The following KHDRBS2 variants were observed in gnomAD, a reference collection of about 807,000 sequenced individuals.
KHDRBS2 encodes KH domain-containing, RNA-binding, signal transduction-associated protein 2.
KHDRBS2 carries 26 observed loss-of-function variants against 44.3 expected under a neutral mutation model. That is an observed-to-expected ratio of 0.59 (90% CI 0.43 to 0.81). The LOEUF (loss-of-function observed/expected upper bound fraction) is 0.81. Ranked by LOEUF, KHDRBS2 falls within the 40% of genes least tolerant of loss-of-function variation. The pLI is 0.00. For missense variants in KHDRBS2, 476 were observed against 433.1 expected (o/e 1.10, Z -0.88); for synonymous variants, 194 against 151.1 (o/e 1.28, Z -2.08).
At chr6:61,829,751 A>C (rs1430906312) in intron 6 of KHDRBS2, among the ~76,000 whole-genome samples, 1 of 152,162 alleles carries the variant, frequency 6.6e-6, no homozygotes, top group Non-Finnish European at 1.5e-5. Flanking sequence ...ATCAATGTAA[A>C]ACCGGAGTCA....
intron 6 of KHDRBS2, among the ~76,000 whole-genome samples, chr6:61,867,241 T>A (rs522347): frequency 1.3e-5 from 2 of 151,990 alleles, no homozygotes; most frequent in Non-Finnish European, 2.9e-5. Context: ...GAACAAGTCA[T>A]GTCTTACATG....
intron 6 of KHDRBS2, among the ~76,000 whole-genome samples, chr6:61,799,482 G>T (rs1274155927): frequency 2.0e-5 from 3 of 151,848 alleles, no homozygotes; most frequent in African/African-American, 7.3e-5. Context: ...ATGAAACAAA[G>T]TAATGTCTTA....
At chr6:62,108,462 G>T (rs564206641) in intron 2 of KHDRBS2, among the ~76,000 whole-genome samples, 2 of 152,138 alleles carry the variant, frequency 1.3e-5, no homozygotes, top group Non-Finnish European at 2.9e-5. Context: ...TGCTGGAGAG[G>T]ATGTGGAGAA....
At chr6:61,877,755 G>A (rs913470759) in intron 6 of KHDRBS2, among the ~76,000 whole-genome samples, 1 of 151,684 alleles carries the variant, frequency 6.6e-6, no homozygotes, top group African/African-American at 2.4e-5. Flanking sequence ...TTAGAAAATG[G>A]TTCAAGCATT....
At chr6:61,551,720 A>G in the KHDRBS2 span, among the ~76,000 whole-genome samples, 1 of 152,038 alleles carries the variant, frequency 6.6e-6, no homozygotes, top group East Asian at 1.9e-4. Context: ...CCACTAGTCT[A>G]TGTGTTTGCT....
At chr6:62,140,467 C>A (rs1812571754) in intron 2 of KHDRBS2, among the ~76,000 whole-genome samples, 1 of 152,004 alleles carries the variant, frequency 6.6e-6, no homozygotes, top group Non-Finnish European at 1.5e-5. Flanking sequence ...GAAATAAATT[C>A]TATAAATTTG....
intron 3 of KHDRBS2, among the ~76,000 whole-genome samples, chr6:62,010,081 C>G (rs1780015748): frequency 6.6e-6 from 1 of 152,102 alleles, no homozygotes; most frequent in Admixed American, 6.5e-5. Context: ...CAATGCCAGC[C>G]CATGAAGGCA....
chr6:61,703,622 C>T (rs1769029768), intron 7 of KHDRBS2, among the ~76,000 whole-genome samples: 1 of 151,836 alleles, frequency 6.6e-6, no homozygotes, highest in African/African-American at 2.4e-5. Flanking sequence ...TTTATATCCA[C>T]TTATGTGTCT....
chr6:61,948,683 T>TTAA (rs1313739487), intron 4 of KHDRBS2, among the ~76,000 whole-genome samples: 3 of 148,702 alleles, frequency 2.0e-5, no homozygotes, highest in African/African-American at 7.3e-5. Flanking sequence ...ATTATTATTA[T>TTAA]TATTATTATT....
chr6:61,671,716 C>A, the KHDRBS2 span, among the ~76,000 whole-genome samples: 1 of 151,718 alleles, frequency 6.6e-6, no homozygotes, highest in Non-Finnish European at 1.5e-5. Flanking sequence ...ATTATATCGA[C>A]AACAGGAAAT....
At chr6:61,555,113 C>G in the KHDRBS2 span, among the ~76,000 whole-genome samples, 1 of 152,006 alleles carries the variant, frequency 6.6e-6, no homozygotes, top group African/African-American at 2.4e-5. Context: ...AAGTTGTTTT[C>G]TTTCTCTTCC....
At chr6:61,575,431 G>A in the KHDRBS2 span, among the ~76,000 whole-genome samples, 2 of 152,078 alleles carry the variant, frequency 1.3e-5, no homozygotes, top group African/African-American at 2.4e-5. Flanking sequence ...TGCAAGAATA[G>A]CCATAATTTA....
chr6:62,009,926 A>G (rs1335023778), intron 3 of KHDRBS2, among the ~76,000 whole-genome samples: 3 of 152,144 alleles, frequency 2.0e-5, no homozygotes, highest in African/African-American at 7.2e-5. Context: ...TGCAGAAGGG[A>G]AGCGTGGGGT....
At chr6:61,613,673 G>A in the KHDRBS2 span, among the ~76,000 whole-genome samples, 93,152 of 151,470 alleles carry the variant, frequency 0.61, 28,826 homozygotes, top group Non-Finnish European at 0.65. Flanking sequence ...AACTTTAAAT[G>A]AAGACATTTC....
chr6:62,149,819 A>C (rs1190308003), intron 2 of KHDRBS2, among the ~76,000 whole-genome samples: 1 of 152,172 alleles, frequency 6.6e-6, no homozygotes, highest in Non-Finnish European at 1.5e-5. Flanking sequence ...GATGCACTCT[A>C]TCTTTCACCA....
intron 2 of KHDRBS2, among the ~76,000 whole-genome samples, chr6:62,168,459 C>T (rs946114306): frequency 3.3e-5 from 5 of 152,050 alleles, no homozygotes; most frequent in African/African-American, 9.7e-5. Context: ...AAGAGGAAGC[C>T]GCACATTCCA....
the KHDRBS2 span, among the ~76,000 whole-genome samples, chr6:61,565,476 C>A: frequency 6.6e-6 from 1 of 151,956 alleles, no homozygotes; most frequent in Non-Finnish European, 1.5e-5. Flanking sequence ...AGCAAAAAAA[C>A]AAATAATTTA....
intron 4 of KHDRBS2, among the ~76,000 whole-genome samples, chr6:61,938,907 AT>A (rs1001006610): frequency 2.6e-5 from 4 of 151,458 alleles, no homozygotes; most frequent in Admixed American, 6.6e-5. Flanking sequence ...AGGGCAGTAC[AT>A]TTTTTTTTCT....
chr6:62,211,109 C>T (rs936381136), intron 1 of KHDRBS2, among the ~76,000 whole-genome samples: 1 of 152,062 alleles, frequency 6.6e-6, no homozygotes, highest in African/African-American at 2.4e-5. Context: ...AACAAGGCTA[C>T]ACCATAAATA....
Sources: allele counts gnomAD v4.1 joint callset (sites outside exome capture counted in the v4.1 genomes callset), GRCh38; gene constraint gnomAD v4.1.1; transcripts MANE v1.5; gene names NCBI Gene and HGNC (gene_info 2026-07-23, HGNC 2026-07-21).